Variants in NCKAP5 observed in about 807,000 individuals in gnomAD.
NCKAP5 encodes the protein nck-associated protein 5.
A neutral mutation model predicts 167.0 loss-of-function variants in NCKAP5; 92 were observed. That is an observed-to-expected ratio of 0.55 (90% CI 0.47 to 0.66). The LOEUF is 0.66. Ranked by LOEUF, NCKAP5 falls within the 30% of genes least tolerant of loss-of-function variation. The pLI is 0.00. For missense variants in NCKAP5, 2,378 were observed against 2,315.0 expected (o/e 1.03, Z -0.56); for synonymous variants, 891 against 877.4 (o/e 1.02, Z -0.27).
intron 5 of NCKAP5, among the ~76,000 whole-genome samples, chr2:133,165,307 C>T (rs2083954266): frequency 6.6e-6 from 1 of 152,208 alleles, no homozygotes. Context: ...TTATGTGATA[C>T]AGCTCAGGTT....
chr2:132,703,628 G>C (rs1397545577), intron 19 of NCKAP5, among the ~76,000 whole-genome samples: 2 of 152,148 alleles, frequency 1.3e-5, no homozygotes, highest in Non-Finnish European at 2.9e-5. Flanking sequence ...GTTGTTATTG[G>C]TGGGAGTGCA....
In NCKAP5 at chr2:132,790,140, A is replaced by T; in HGVS notation, c.975T>A (p.His325Gln). The T allele has an allele frequency of 6.2e-7, 1 of 1,613,676 alleles. No homozygotes were observed. ...CPGLGAVIPG[H>Q]LCPRNSYSSS... ...TACTGTAGCTGTTTCGAGGACAGAG[A>T]TGACCAGGGATGACAGCCCCCAAGC... The change falls in exon 13 of 20, where the codon CAT becomes CAA. Residue 325 changes from histidine (H) to glutamine (Q), a missense_variant. Physicochemically the swap from His to Gln is conservative, Grantham distance 24. This residue lies in a region of NCKAP5 where 1,049 missense variants were observed against 1,023.4 expected (regional missense o/e 1.02). Coordinates refer to ENST00000409261, the MANE Select transcript of NCKAP5 (RefSeq NM_207363.3).
At chr2:132,970,645 T>A (rs1157628648) in intron 7 of NCKAP5, among the ~76,000 whole-genome samples, 1 of 152,206 alleles carries the variant, frequency 6.6e-6, no homozygotes, top group Non-Finnish European at 1.5e-5. Flanking sequence ...ACCTTGTCGC[T>A]ACATAAAGCA....
At chr2:133,404,310 G>T (rs1047359523) in intron 3 of NCKAP5, among the ~76,000 whole-genome samples, 14 of 152,132 alleles carry the variant, frequency 9.2e-5, no homozygotes, top group African/African-American at 2.7e-4. Flanking sequence ...ATAAAACTTT[G>T]TTATAGTAGT....
intron 5 of NCKAP5, among the ~76,000 whole-genome samples, chr2:133,188,841 T>C (rs956376406): frequency 2.7e-4 from 41 of 152,092 alleles, no homozygotes; most frequent in African/African-American, 9.6e-4. Context: ...AGGAAATATC[T>C]AAAATTGACA....
intron 8 of NCKAP5, among the ~76,000 whole-genome samples, chr2:132,955,043 G>A (rs1360844868): frequency 6.6e-6 from 1 of 152,202 alleles, no homozygotes; most frequent in East Asian, 1.9e-4. Flanking sequence ...TCAGCAAACT[G>A]TCATAGAATC....
At chr2:133,004,290 C>A (rs1303029155) in intron 6 of NCKAP5, among the ~76,000 whole-genome samples, 1 of 152,074 alleles carries the variant, frequency 6.6e-6, no homozygotes, top group East Asian at 1.9e-4. Context: ...CTAAATACAG[C>A]CAGGTTTTAA....
At chr2:133,672,276 T>A in the NCKAP5 span, among the ~76,000 whole-genome samples, 3 of 152,174 alleles carry the variant, frequency 2.0e-5, no homozygotes, top group African/African-American at 7.2e-5. Context: ...CTTTGGAAAT[T>A]TGGGACAAAT....
At chr2:133,071,866 G>C (rs951754197) in intron 6 of NCKAP5, among the ~76,000 whole-genome samples, 4 of 152,252 alleles carry the variant, frequency 2.6e-5, no homozygotes, top group Admixed American at 1.3e-4. Context: ...GCATAGACTA[G>C]GAGCCAACCT....
chr2:133,130,426 T>C (rs2082560038), intron 5 of NCKAP5, among the ~76,000 whole-genome samples: 1 of 152,212 alleles, frequency 6.6e-6, no homozygotes, highest in East Asian at 1.9e-4. Flanking sequence ...CCAAAAATAC[T>C]ATTGAATGCA....
chr2:133,286,231 C>T (rs923168709), intron 4 of NCKAP5, among the ~76,000 whole-genome samples: 5 of 152,212 alleles, frequency 3.3e-5, no homozygotes, highest in South Asian at 2.1e-4. Flanking sequence ...CTCCTAACCT[C>T]GTGATCCGCC....
chr2:132,957,755 C>G (rs934787033), intron 8 of NCKAP5, among the ~76,000 whole-genome samples: 36 of 152,120 alleles, frequency 2.4e-4, no homozygotes, highest in African/African-American at 8.5e-4. Flanking sequence ...ATTATCTGAC[C>G]TGTCTTGTTT....
intron 4 of NCKAP5, among the ~76,000 whole-genome samples, chr2:133,227,886 T>C (rs542157074): frequency 6.6e-5 from 10 of 152,312 alleles, no homozygotes; most frequent in African/African-American, 1.9e-4. Flanking sequence ...GAATGCGGTA[T>C]GGTATTTCAG....
At chr2:132,798,550 T>A (rs2105182172) in intron 11 of NCKAP5, among the ~76,000 whole-genome samples, 1 of 152,326 alleles carries the variant, frequency 6.6e-6, no homozygotes, top group East Asian at 1.9e-4. Flanking sequence ...GCTATCTAAA[T>A]GACTCAGTTC....
At chr2:133,467,623 A>G (rs1321059676) in intron 3 of NCKAP5, among the ~76,000 whole-genome samples, 3 of 150,502 alleles carry the variant, frequency 2.0e-5, no homozygotes, top group East Asian at 2.0e-4. Context: ...GAATTCAGCT[A>G]TGGATCCATC....
At chr2:133,399,971 T>C (rs923321761) in intron 3 of NCKAP5, among the ~76,000 whole-genome samples, 1 of 152,212 alleles carries the variant, frequency 6.6e-6, no homozygotes, top group Non-Finnish European at 1.5e-5. Flanking sequence ...AGGTCTGTAA[T>C]ACTATATGTC....
At chr2:133,664,310 A>G in the NCKAP5 span, among the ~76,000 whole-genome samples, 13 of 152,166 alleles carry the variant, frequency 8.5e-5, no homozygotes, top group Non-Finnish European at 1.8e-4. Context: ...GGACCCTAGA[A>G]GTTTTGGAAT....
At chr2:133,550,930 C>A (rs1388733739) in intron 2 of NCKAP5, among the ~76,000 whole-genome samples, 2 of 151,654 alleles carry the variant, frequency 1.3e-5, no homozygotes, top group Non-Finnish European at 2.9e-5. Context: ...GTACAAAAAT[C>A]ACAAGCATTC....
rs59370389 is a variant in NCKAP5 at position 132,755,818 on chromosome 2, G to A, written c.5128+17998C>T. Among the ~76,000 whole-genome samples the A allele has an allele frequency of 0.012, 1,751 of 141,378 alleles. 63 individuals are homozygous for A. The East Asian group carries it at 0.15, about 12-fold the overall frequency. The allele number at this position is 141,378 out of a possible 152,430, so 92.7% of individuals were successfully genotyped here. On this transcript the variant is annotated intron_variant, in intron 16 of 19. Coordinates refer to ENST00000409261, the MANE Select transcript of NCKAP5 (RefSeq NM_207363.3). ...TACACTCCAGCCTGGGTGACAGAGC[G>A]AGATTCTGTCTCAGAAAAAAAAATG... is the stretch of plus-strand genomic sequence containing the variant.
Sources: allele counts gnomAD v4.1 joint callset (sites outside exome capture counted in the v4.1 genomes callset), GRCh38; gene constraint gnomAD v4.1.1; regional missense constraint gnomAD v4.1.1; transcripts MANE v1.5; gene names NCBI Gene and HGNC (gene_info 2026-07-23, HGNC 2026-07-21).